Variants in KCNIP4 observed in about 807,000 individuals in gnomAD.
KCNIP4 encodes the protein potassium voltage-gated channel interacting protein 4.
A neutral mutation model predicts 34.0 loss-of-function variants in KCNIP4; 12 were observed. The observed-to-expected ratio is 0.35, with a 90% CI of 0.23 to 0.57. KCNIP4 has a LOEUF of 0.57. Ranked by LOEUF, KCNIP4 falls within the 20% of genes least tolerant of loss-of-function variation. The pLI is 0.83. For missense variants in KCNIP4, 238 were observed against 311.7 expected, an observed-to-expected ratio of 0.76 and a Z score of 1.78; for synonymous variants, 124 against 102.2, an observed-to-expected ratio of 1.21 and a Z score of -1.29.
intron 1 of KCNIP4, among the ~76,000 whole-genome samples, chr4:21,691,317 A>G (rs1440816666): frequency 2.0e-5 from 3 of 152,176 alleles, no homozygotes; most frequent in African/African-American, 4.8e-5. Flanking sequence ...GGTAGGCTAT[A>G]TTCCTGTACT....
intron 1 of KCNIP4, among the ~76,000 whole-genome samples, chr4:21,501,223 T>TTC (rs764384677): frequency 0.017 from 2,470 of 142,418 alleles, 32 homozygotes; most frequent in African/African-American, 0.034. Flanking sequence ...TCAACTGCCT[T>TTC]TCTCTCTCTC....
chr4:21,570,159 C>A (rs1740253095), intron 1 of KCNIP4, among the ~76,000 whole-genome samples: 1 of 152,116 alleles, frequency 6.6e-6, no homozygotes, highest in East Asian at 1.9e-4. Context: ...CCAGAGATGG[C>A]TGAAAATGGG....
At chr4:21,658,747 G>A (rs1748180063) in intron 1 of KCNIP4, among the ~76,000 whole-genome samples, 1 of 152,110 alleles carries the variant, frequency 6.6e-6, no homozygotes, top group Non-Finnish European at 1.5e-5. Flanking sequence ...TTTTGATGGG[G>A]TGGGGGCAGA....
chr4:21,320,597 C>T (rs570032169), intron 1 of KCNIP4, among the ~76,000 whole-genome samples: 4 of 152,090 alleles, frequency 2.6e-5, no homozygotes, highest in Non-Finnish European at 5.9e-5. Context: ...TAAGGTGATG[C>T]TCATTCTCAG....
At position 21,362,207 on chromosome 4, in the gene KCNIP4, C is replaced by G. The variant is rs186750504; in HGVS notation, c.62-479498G>C. ...CAAGCTGACATACTATGAACAGTTTCATAATGAAGCTATATCACTTATTAG... is the reference window on the plus strand; with the variant it reads ...CAAGCTGACATACTATGAACAGTTTGATAATGAAGCTATATCACTTATTAG... On this transcript the variant is annotated intron_variant, in intron 1 of 8. Transcript: ENST00000382152. Among the ~76,000 whole-genome samples, 3 of 152,222 alleles carry G rather than the reference C, an allele frequency of 2.0e-5. No homozygotes were observed. In the East Asian group the frequency reaches 5.8e-4, roughly 29 times the overall value.
intron 1 of KCNIP4, among the ~76,000 whole-genome samples, chr4:21,885,988 A>G (rs1726741851): frequency 6.6e-6 from 1 of 152,046 alleles, no homozygotes. Context: ...TCATTCTCAC[A>G]ACAATCCATA....
chr4:21,080,510 C>G (rs866172351), intron 1 of KCNIP4, among the ~76,000 whole-genome samples: 8 of 151,832 alleles, frequency 5.3e-5, no homozygotes, highest in Middle Eastern at 3.4e-3. Flanking sequence ...CGTTATTATG[C>G]TTACCTTTAC....
chr4:21,766,608 T>A (rs186423360), intron 1 of KCNIP4, among the ~76,000 whole-genome samples: 17 of 152,302 alleles, frequency 1.1e-4, no homozygotes, highest in East Asian at 7.7e-4. Context: ...GTTTAAAAAG[T>A]TCTTATGAAA....
chr4:20,933,279 G>A (rs894890163), intron 1 of KCNIP4, among the ~76,000 whole-genome samples: 1 of 151,958 alleles, frequency 6.6e-6, no homozygotes, highest in African/African-American at 2.4e-5. Flanking sequence ...AAAATACAGA[G>A]TATAAACAAG....
chr4:21,330,487 C>T (rs943715014), intron 1 of KCNIP4, among the ~76,000 whole-genome samples: 28 of 152,110 alleles, frequency 1.8e-4, no homozygotes, highest in African/African-American at 6.8e-4. Flanking sequence ...TTGCACCATC[C>T]ACTTTCATAC....
rs1745463724 is a variant in KCNIP4 at position 21,628,132 on chromosome 4, A to G, written c.61+320439T>C. Among the ~76,000 whole-genome samples, 6 of 152,264 alleles carry G rather than the reference A, an allele frequency of 3.9e-5. 2 individuals are homozygous for G. The South Asian group carries it at 1.2e-3, about 32-fold the overall frequency. ...GCTTACTTTACCTCATTTCAAATTC[A>G]TTATAGAATTCATGGTTCTTTTGTG... On this transcript the variant is annotated intron_variant, in intron 1 of 8. Coordinates refer to ENST00000382152, the MANE Select transcript of KCNIP4 (RefSeq NM_025221.6).
intron 1 of KCNIP4, among the ~76,000 whole-genome samples, chr4:21,578,728 T>C (rs774084196): frequency 6.6e-6 from 1 of 152,142 alleles, no homozygotes; most frequent in Non-Finnish European, 1.5e-5. Flanking sequence ...TTCTTCTACC[T>C]CTTGGCAACT....
At chr4:21,820,871 T>C (rs2109289133) in intron 1 of KCNIP4, among the ~76,000 whole-genome samples, 1 of 152,272 alleles carries the variant, frequency 6.6e-6, no homozygotes, top group South Asian at 2.1e-4. Flanking sequence ...ACAGTCATTC[T>C]ACTTGAGACA....
chr4:21,212,451 A>C (rs939075061), intron 1 of KCNIP4, among the ~76,000 whole-genome samples: 5 of 152,222 alleles, frequency 3.3e-5, no homozygotes, highest in African/African-American at 1.2e-4. Context: ...AATGAAGTAC[A>C]GTGTAAGTTA....
chr4:21,094,037 A>G lies in KCNIP4; in HGVS notation c.62-211328T>C, dbSNP rs183127776. 1.0e-3 allele frequency among the ~76,000 whole-genome samples: 152 copies of G among 152,166 alleles called. 1 individual carries two copies. The highest frequency in any genetic ancestry group is 3.5e-3 in the African/African-American group (144 of 41,532). ...GCAGAGCTTGCAGTGAGCCAAGATC[A>G]CGCCACTGTACTCCAGCCTGGGCGA... On this transcript the variant is annotated intron_variant, in intron 1 of 8. Coordinates refer to ENST00000382152, the MANE Select transcript of KCNIP4 (RefSeq NM_025221.6).
chr4:20,914,183 C>T (rs1728593780), intron 1 of KCNIP4, among the ~76,000 whole-genome samples: 1 of 151,856 alleles, frequency 6.6e-6, no homozygotes, highest in South Asian at 2.1e-4. Flanking sequence ...AGAAAAGAAA[C>T]AGTACCAGGC....
rs114202510 is a variant in KCNIP4 at position 20,820,076 on chromosome 4, C to T, written c.288+30467G>A. 4.3e-3 allele frequency among the ~76,000 whole-genome samples: 658 copies of T among 152,204 alleles called. 2 individuals carry two copies. Among genetic ancestry groups the T allele is most frequent in the African/African-American group, 6.9e-3 (285 of 41,532 alleles). On this transcript the variant is annotated intron_variant, in intron 3 of 8. Transcript: ENST00000382152. ...GGCTGGTAGATTTTGGAACCGAATGCTAGAAAAAGTCTCTATTCCTGTGAA... is the reference window on the plus strand; with the variant it reads ...GGCTGGTAGATTTTGGAACCGAATGTTAGAAAAAGTCTCTATTCCTGTGAA...
At chr4:21,814,432 T>C (rs1010352445) in intron 1 of KCNIP4, among the ~76,000 whole-genome samples, 1 of 152,122 alleles carries the variant, frequency 6.6e-6, no homozygotes, top group Admixed American at 6.6e-5. Flanking sequence ...TGAGATCTCA[T>C]GGTTTTATAA....
chr4:21,816,656 C>G (rs1722006242), intron 1 of KCNIP4, among the ~76,000 whole-genome samples: 1 of 152,160 alleles, frequency 6.6e-6, no homozygotes, highest in Non-Finnish European at 1.5e-5. Flanking sequence ...TTCCTGCCAT[C>G]CTCTGATGAG....
Sources: allele counts gnomAD v4.1 joint callset (sites outside exome capture counted in the v4.1 genomes callset), GRCh38; gene constraint gnomAD v4.1.1; transcripts MANE v1.5; gene names NCBI Gene and HGNC (gene_info 2026-07-23, HGNC 2026-07-21).